FILIP1L: variants seen among roughly 807,000 people sequenced by gnomAD.
FILIP1L encodes the protein filamin A-interacting protein 1-like.
FILIP1L carries 55 observed loss-of-function variants against 96.6 expected under a neutral mutation model. That is an observed-to-expected ratio of 0.57 (90% CI 0.46 to 0.71). The LOEUF (loss-of-function observed/expected upper bound fraction) is 0.71, where lower values mean the gene tolerates loss of function less well. FILIP1L is among the 30% of genes least tolerant of loss of function. The pLI is 0.00. For synonymous variants in FILIP1L, 467 were observed against 473.9 expected (o/e 0.99, Z 0.19); for missense variants, 1,304 against 1,321.2 (o/e 0.99, Z 0.20).
intron 1 of FILIP1L, among the ~76,000 whole-genome samples, chr3:100,099,928 A>G (rs1393643252): frequency 6.6e-6 from 1 of 152,160 alleles, no homozygotes; most frequent in Non-Finnish European, 1.5e-5. Context: ...TTCTGAAGCC[A>G]CAGTGTTATA....
At chr3:100,063,583 A>G (rs1471551795) in intron 1 of FILIP1L, among the ~76,000 whole-genome samples, 1 of 152,164 alleles carries the variant, frequency 6.6e-6, no homozygotes, top group Admixed American at 6.5e-5. Flanking sequence ...GCAGATCTGA[A>G]TACTTTCTCA....
chr3:100,042,459 G>C (rs1265880486), intron 1 of FILIP1L, among the ~76,000 whole-genome samples: 1 of 152,174 alleles, frequency 6.6e-6, no homozygotes, highest in Non-Finnish European at 1.5e-5. Flanking sequence ...GTGATTCACG[G>C]TGCTACAAGA....
intron 4 of FILIP1L, among the ~76,000 whole-genome samples, chr3:99,880,189 C>A (rs964143112): frequency 1.3e-5 from 2 of 152,132 alleles, no homozygotes; most frequent in African/African-American, 2.4e-5. Context: ...TCTCTCCATG[C>A]CCTAGACAAT....
intron 1 of FILIP1L, among the ~76,000 whole-genome samples, chr3:100,035,868 C>A (rs2065098822): frequency 1.3e-5 from 2 of 152,146 alleles, no homozygotes; most frequent in South Asian, 4.1e-4. Context: ...TCTTTGAAAG[C>A]AAATCACATA....
chr3:99,922,479 A>G (rs1018584429), intron 4 of FILIP1L, among the ~76,000 whole-genome samples: 1 of 152,172 alleles, frequency 6.6e-6, no homozygotes, highest in Non-Finnish European at 1.5e-5. Flanking sequence ...CCTGGAAAAA[A>G]TAGAGTGAAT....
chr3:99,994,533 T>C (rs10212525), intron 1 of FILIP1L, among the ~76,000 whole-genome samples: 28,804 of 152,128 alleles, frequency 0.19, 3,012 homozygotes, highest in South Asian at 0.25. Context: ...ATATCAAATA[T>C]CTTCTCAGAA....
intron 1 of FILIP1L, among the ~76,000 whole-genome samples, chr3:100,064,150 A>C (rs1024699009): frequency 2.0e-5 from 3 of 152,298 alleles, no homozygotes; most frequent in Non-Finnish European, 2.9e-5. Context: ...TCTGCTGTAA[A>C]CCTTCAAGGG....
intron 1 of FILIP1L, among the ~76,000 whole-genome samples, chr3:100,060,843 T>C (rs1286483190): frequency 6.6e-6 from 1 of 152,024 alleles, no homozygotes; most frequent in Admixed American, 6.6e-5. Flanking sequence ...TCCTGGGCAA[T>C]AGAGCCAGAT....
chr3:99,939,426 C>T (rs916411561), intron 1 of FILIP1L, among the ~76,000 whole-genome samples: 1 of 152,188 alleles, frequency 6.6e-6, no homozygotes, highest in African/African-American at 2.4e-5. Flanking sequence ...ATGAAACACT[C>T]AGTTTCTTTA....
chr3:100,057,316 A>G (rs2065481453), intron 1 of FILIP1L, among the ~76,000 whole-genome samples: 1 of 152,240 alleles, frequency 6.6e-6, no homozygotes, highest in African/African-American at 2.4e-5. Context: ...AGGAAAGATG[A>G]CATGATCTCT....
intron 1 of FILIP1L, among the ~76,000 whole-genome samples, chr3:100,002,903 A>G (rs1237130853): frequency 6.6e-6 from 1 of 152,174 alleles, no homozygotes; most frequent in East Asian, 1.9e-4. Context: ...GAGTATGTGT[A>G]TGTTCTGAAG....
rs114870550 is a variant in FILIP1L at position 99,833,692 on chromosome 3, G to A, written c.3382-3087C>T. Among the ~76,000 whole-genome samples the A allele has an allele frequency of 4.5e-3, 688 of 152,274 alleles. 7 individuals carry two copies. Among genetic ancestry groups the A allele is most frequent in the African/African-American group, 0.016 (668 of 41,544 alleles). Reference sequence around the variant, plus strand: ...AAGAAAGCAGTGTTTTCTCAGGAGCGGTCCTGACTCCAGGGACTGCATCAC... The same window carrying A: ...AAGAAAGCAGTGTTTTCTCAGGAGCAGTCCTGACTCCAGGGACTGCATCAC... On this transcript the variant is annotated intron_variant, in intron 5 of 5. Transcript: ENST00000477258.
chr3:99,852,944 C>T (rs116629304), intron 4 of FILIP1L, among the ~76,000 whole-genome samples: 7,384 of 152,152 alleles, frequency 0.049, 559 homozygotes, highest in African/African-American at 0.17. Context: ...GAGAACTTAA[C>T]AGGAGGCTGG....
chr3:100,050,671 C>G (rs2107316824), intron 1 of FILIP1L, among the ~76,000 whole-genome samples: 1 of 152,258 alleles, frequency 6.6e-6, no homozygotes, highest in East Asian at 1.9e-4. Flanking sequence ...GCTGGGATTA[C>G]AGGTGTGCGC....
chr3:99,992,651 A>G (rs1709558593), intron 1 of FILIP1L, among the ~76,000 whole-genome samples: 1 of 151,666 alleles, frequency 6.6e-6, no homozygotes, highest in Non-Finnish European at 1.5e-5. Context: ...TTTGGTATAC[A>G]CAAGCTTTTT....
At chr3:99,984,046 A>ATGTGTGTGTGTGTGTGTG (rs1206336764) in intron 1 of FILIP1L, among the ~76,000 whole-genome samples, 3 of 14,034 alleles carry the variant, frequency 2.1e-4, no homozygotes, top group East Asian at 7.0e-3. Context: ...AAAAGGATGT[A>ATGTGTGTGTGTGTGTGTG]TATGTATGTG....
At chr3:99,930,647 C>A (rs1226768812) in intron 2 of FILIP1L, 122 bp downstream of exon 2, 7 of 1,033,456 alleles carry the variant, frequency 6.8e-6, no homozygotes, top group Non-Finnish European at 1.4e-6. Flanking sequence ...TATACTTATG[C>A]TTTGCTTTCA....
intron 1 of FILIP1L, among the ~76,000 whole-genome samples, chr3:100,007,749 G>A (rs996912312): frequency 3.3e-5 from 5 of 151,954 alleles, no homozygotes; most frequent in African/African-American, 1.2e-4. Flanking sequence ...GACTGCCACT[G>A]TTACCAATTG....
chr3:100,112,002 T>C (rs1254386084), intron 1 of FILIP1L, among the ~76,000 whole-genome samples: 1 of 152,222 alleles, frequency 6.6e-6, no homozygotes, highest in Non-Finnish European at 1.5e-5. Flanking sequence ...CCTCATTCAC[T>C]GTTATAATCC....
Sources: allele counts gnomAD v4.1 joint callset (sites outside exome capture counted in the v4.1 genomes callset), GRCh38; gene constraint gnomAD v4.1.1; transcripts MANE v1.5; gene names NCBI Gene and HGNC (gene_info 2026-07-23, HGNC 2026-07-21).